Variants in FAM178B observed in about 807,000 individuals in gnomAD.
FAM178B encodes protein FAM178B.
A neutral mutation model predicts 91.7 loss-of-function variants in FAM178B; 82 were observed. The ratio of observed to expected loss-of-function variants is 0.89; its 90% CI spans 0.75 to 1.07. FAM178B has a LOEUF of 1.07. Among genes scored for constraint, FAM178B ranks in the 50% least tolerant of loss-of-function variants. The pLI, the probability that FAM178B is intolerant of heterozygous loss-of-function variation, is 0.00. For missense variants in FAM178B, 769 were observed against 846.7 expected (o/e 0.91, Z 1.14); for synonymous variants, 368 against 359.4 (o/e 1.02, Z -0.27).
chr2:96,908,138 C>T (rs1018197914), intron 12 of FAM178B, among the ~76,000 whole-genome samples: 2 of 152,238 alleles, frequency 1.3e-5, no homozygotes, highest in African/African-American at 4.8e-5. Context: ...GGTTGTCCCT[C>T]CCGGGGGTCT....
chr2:96,894,706 C>G (rs2080776587), intron 13 of FAM178B, among the ~76,000 whole-genome samples: 1 of 92,804 alleles, frequency 1.1e-5, no homozygotes, highest in Non-Finnish European at 2.2e-5. Flanking sequence ...TCTACCTACC[C>G]ACTCACTGAC....
rs562795265 is a variant in FAM178B, at chr2:96,904,908, C to T, written c.1563-2201G>A. Among the ~76,000 whole-genome samples the T allele has an allele frequency of 4.0e-3, 605 of 152,158 alleles. 1 individual carries two copies. The highest frequency in any genetic ancestry group is 6.4e-3 in the Non-Finnish European group (434 of 68,008). ...CCTCCCAAGTAGCTGGGATTACAGG[C>T]GCCTGCCATTACGCCCAGCTAATTT... On this transcript the variant is annotated intron_variant, in intron 12 of 16. Transcript: ENST00000490605.
At chr2:96,893,688 T>C (rs2080736722) in intron 14 of FAM178B, among the ~76,000 whole-genome samples, 1 of 152,084 alleles carries the variant, frequency 6.6e-6, no homozygotes, top group Non-Finnish European at 1.5e-5. Context: ...ATTTGGCCCC[T>C]ACACCTGCGC....
At chr2:96,946,490 T>C (rs2081831119) in intron 8 of FAM178B, among the ~76,000 whole-genome samples, 1 of 152,206 alleles carries the variant, frequency 6.6e-6, no homozygotes, top group Non-Finnish European at 1.5e-5. Context: ...GGCCAGTCCC[T>C]GGTCCCCTGG....
intron 12 of FAM178B, among the ~76,000 whole-genome samples, chr2:96,911,758 T>C (rs17119655): frequency 0.12 from 18,153 of 151,716 alleles, 1,193 homozygotes; most frequent in Middle Eastern, 0.23. Flanking sequence ...CTGTGGGAGA[T>C]TGGGGAGCTC....
chr2:96,921,347 T>C, intron 11 of FAM178B, 85 bp from the exon 12 acceptor site: 1 of 1,506,986 alleles, frequency 6.6e-7, no homozygotes, highest in South Asian at 1.2e-5. Context: ...GGGGAGTAAG[T>C]GGGCAGTCAC....
chr2:96,905,860 A>T (rs1239016450), intron 12 of FAM178B, among the ~76,000 whole-genome samples: 621 of 23,190 alleles, frequency 0.027, 4 homozygotes, highest in African/African-American at 0.048. Context: ...ATATATATAT[A>T]TTTTTTTTTT....
chr2:96,939,783 CAT>C (rs1317732901), intron 8 of FAM178B, among the ~76,000 whole-genome samples: 1 of 152,106 alleles, frequency 6.6e-6, no homozygotes, highest in Non-Finnish European at 1.5e-5. Flanking sequence ...TTACCTATAA[CAT>C]GGGACAATAA....
At position 96,970,773 on chromosome 2, in the gene FAM178B, G is replaced by A. The variant is rs1207451926; in HGVS notation, c.569C>T (p.Ser190Phe). 6.4e-7 allele frequency: 1 copy of A among 1,550,500 alleles called. No individual in the cohort carries two copies. Among genetic ancestry groups the A allele is most frequent in the Non-Finnish European group, 8.7e-7 (1 of 1,146,112 alleles). Reference protein sequence around the residue: ...LSQQAAAPEFSWGGSGSYFNN... With the variant: ...LSQQAAAPEFFWGGSGSYFNN... ...GAAGTAGCTTCCTGAGCCCCCCCAG[G>A]AAAACTGGAGAAACAGGACATGGGA... The change falls in exon 4 of 17, where the codon TCC becomes TTC. Residue 190 changes from serine to phenylalanine, a missense_variant. Coordinates refer to ENST00000490605, the MANE Select transcript of FAM178B (RefSeq NM_001122646.3).
intron 1 of FAM178B, among the ~76,000 whole-genome samples, chr2:96,983,789 C>T (rs1162994733): frequency 6.6e-6 from 1 of 152,154 alleles, no homozygotes; most frequent in East Asian, 1.9e-4. Flanking sequence ...AAATCATCCA[C>T]GAACTACTGC....
At chr2:96,903,897 CA>C (rs1296009501) in intron 12 of FAM178B, among the ~76,000 whole-genome samples, 1 of 152,152 alleles carries the variant, frequency 6.6e-6, no homozygotes, top group African/African-American at 2.4e-5. Context: ...AGGAAAGAGT[CA>C]AGAAAGTCAG....
chr2:96,931,856 G>GT (rs75999007), intron 8 of FAM178B, among the ~76,000 whole-genome samples: 2,728 of 141,622 alleles, frequency 0.019, 27 homozygotes, highest in Non-Finnish European at 0.028. Flanking sequence ...TTGTTTGTTT[G>GT]TTTTTTTTTT....
At chr2:96,929,698 C>A (rs1010968413) in intron 8 of FAM178B, among the ~76,000 whole-genome samples, 1 of 152,228 alleles carries the variant, frequency 6.6e-6, no homozygotes, top group Non-Finnish European at 1.5e-5. Flanking sequence ...ACCAGGCTCA[C>A]GTCCTTAGAC....
Position 96,876,226 on chromosome 2 carries a change from T to C in FAM178B, c.*50A>G. 3.2e-6 allele frequency: 5 copies of C among 1,579,972 alleles called. No homozygotes were observed. The highest frequency in any genetic ancestry group is 3.5e-6 in the Non-Finnish European group (4 of 1,157,650). ...CGCTTCCTCCAGTTCCCTGAGCCTG[T>C]TCACTTCCTGCTGAAGCCAGGAGCC... is the stretch of plus-strand genomic sequence containing the variant. On this transcript the variant is annotated 3_prime_UTR_variant, in exon 17 of 17. Transcript: ENST00000490605.
intron 8 of FAM178B, among the ~76,000 whole-genome samples, chr2:96,942,414 A>G (rs1165204086): frequency 2.0e-5 from 3 of 152,182 alleles, no homozygotes; most frequent in African/African-American, 7.2e-5. Flanking sequence ...TTTTTTTCAG[A>G]CGGAGTCTCG....
intron 8 of FAM178B, among the ~76,000 whole-genome samples, chr2:96,944,935 T>TCCC (rs1237231023): frequency 6.6e-6 from 1 of 152,138 alleles, no homozygotes; most frequent in African/African-American, 2.4e-5. Flanking sequence ...TCCTGGTTCC[T>TCCC]GCCTCCCCAC....
chr2:96,977,194 C>CAAAAAAAAAA, intron 1 of FAM178B, among the ~76,000 whole-genome samples: 1 of 38,520 alleles, frequency 2.6e-5, no homozygotes, highest in Non-Finnish European at 4.6e-5. Flanking sequence ...GACTCTGTCT[C>CAAAAAAAAAA]AAAAAAAAAA....
intron 13 of FAM178B, among the ~76,000 whole-genome samples, chr2:96,896,400 C>T (rs746532970): frequency 2.6e-5 from 4 of 152,210 alleles, no homozygotes; most frequent in African/African-American, 9.6e-5. Context: ...CTCTCCCCCA[C>T]ACACAAACCC....
In FAM178B at chr2:96,879,032, C is replaced by T. The variant is rs545643875; in HGVS notation, c.1777-539G>A. ...AACTGCACACTCTCAGCAGTGAAAACAGGACGCAGGCCTGCTCCATCTGGC... is the reference window on the plus strand; with the variant it reads ...AACTGCACACTCTCAGCAGTGAAAATAGGACGCAGGCCTGCTCCATCTGGC... On this transcript the variant is annotated intron_variant, in intron 14 of 16. Coordinates refer to ENST00000490605, the MANE Select transcript of FAM178B (RefSeq NM_001122646.3). 3.3e-5 allele frequency among the ~76,000 whole-genome samples: 5 copies of T among 152,376 alleles called. No individual in the cohort carries two copies. In the South Asian group the frequency reaches 8.3e-4, roughly 25 times the overall value.
Sources: allele counts gnomAD v4.1 joint callset (sites outside exome capture counted in the v4.1 genomes callset), GRCh38; gene constraint gnomAD v4.1.1; transcripts MANE v1.5; gene names NCBI Gene and HGNC (gene_info 2026-07-23, HGNC 2026-07-21).